Variants in RAD51B observed in about 807,000 individuals in gnomAD.
RAD51B encodes DNA repair protein RAD51 homolog 2.
Under a neutral mutation model 42.2 loss-of-function variants are expected in RAD51B, and 38 were observed. The observed-to-expected ratio is 0.90, with a 90% CI of 0.70 to 1.18. The LOEUF (loss-of-function observed/expected upper bound fraction) is 1.18. Ranked by LOEUF, RAD51B falls within the 50% of genes most tolerant of loss-of-function variation. The probability of loss-of-function intolerance (pLI) is 0.00; values close to 1 mark genes in which losing one functional copy is unlikely to be tolerated. For missense variants in RAD51B, 373 were observed against 400.7 expected (o/e 0.93, Z 0.59); for synonymous variants, 154 against 145.2 (o/e 1.06, Z -0.43).
At chr14:67,825,747 T>TG (rs2040810475) in intron 3 of RAD51B, among the ~76,000 whole-genome samples, 170 bp downstream of exon 3, 4 of 152,176 alleles carry the variant, frequency 2.6e-5, no homozygotes, top group Admixed American at 2.0e-4. Flanking sequence ...AATTTTTTTT[T>TG]TCTTTTTTGA....
intron 9 of RAD51B, among the ~76,000 whole-genome samples, chr14:68,433,744 A>G (rs569831123): frequency 2.8e-4 from 42 of 152,134 alleles, no homozygotes; most frequent in African/African-American, 1.0e-3. Flanking sequence ...TCTTCTCTCA[A>G]CTCGTCAAGG....
chr14:68,664,859 A>C (rs553429834), intron 11 of RAD51B, among the ~76,000 whole-genome samples: 1 of 152,232 alleles, frequency 6.6e-6, no homozygotes, highest in African/African-American at 2.4e-5. Flanking sequence ...CTCCTAATGG[A>C]AATCCATGAC....
intron 7 of RAD51B, among the ~76,000 whole-genome samples, chr14:68,037,509 G>A (rs111535409): frequency 2.6e-5 from 4 of 151,850 alleles, no homozygotes; most frequent in African/African-American, 7.3e-5. Flanking sequence ...GTGAGCCACC[G>A]TGCCTGGCTG....
intron 7 of RAD51B, among the ~76,000 whole-genome samples, chr14:67,956,026 G>A (rs139226425): frequency 8.5e-5 from 13 of 152,094 alleles, no homozygotes; most frequent in African/African-American, 3.1e-4. Context: ...ACACTGTGGT[G>A]GATACTCAGT....
At chr14:68,306,540 TCA>T (rs2081866857) in intron 8 of RAD51B, 1 of 445,898 alleles carries the variant, frequency 2.2e-6, no homozygotes, top group South Asian at 1.7e-5. Context: ...TCAGAGGAAG[TCA>T]TCTGAAATTG....
At chr14:68,563,941 T>C in intron 10 of RAD51B, 1 of 979,090 alleles carries the variant, frequency 1.0e-6, no homozygotes, top group African/African-American at 1.7e-5. Flanking sequence ...TTGGCCCTGA[T>C]AGAGAACTCT....
intron 9 of RAD51B, among the ~76,000 whole-genome samples, chr14:68,458,529 G>A (rs536806679): frequency 1.3e-5 from 2 of 152,036 alleles, no homozygotes; most frequent in Non-Finnish European, 2.9e-5. Context: ...AACTTGATGT[G>A]TTATATTATA....
At chr14:68,010,491 C>G (rs1224299762) in intron 7 of RAD51B, among the ~76,000 whole-genome samples, 1 of 151,716 alleles carries the variant, frequency 6.6e-6, no homozygotes, top group Non-Finnish European at 1.5e-5. Context: ...TTTATTTATT[C>G]AGACCCAATT....
At chr14:68,018,908 A>G (rs116169875) in intron 7 of RAD51B, among the ~76,000 whole-genome samples, 1,576 of 152,288 alleles carry the variant, frequency 0.01, 27 homozygotes, top group African/African-American at 0.036. Context: ...AACTTGGGTA[A>G]TTATTCTTTG....
chr14:68,229,536 A>G (rs1217396110), intron 7 of RAD51B, among the ~76,000 whole-genome samples: 1 of 152,238 alleles, frequency 6.6e-6, no homozygotes, highest in East Asian at 1.9e-4. Flanking sequence ...TATATGTTGT[A>G]GAATGAGAAA....
At chr14:68,124,356 T>G (rs1367594419) in intron 7 of RAD51B, among the ~76,000 whole-genome samples, 1 of 152,242 alleles carries the variant, frequency 6.6e-6, no homozygotes, top group Non-Finnish European at 1.5e-5. Flanking sequence ...CCTGTCTTAT[T>G]CAGAGAGTGG....
chr14:68,656,786 G>C (rs1026678159), intron 11 of RAD51B, among the ~76,000 whole-genome samples: 11 of 152,214 alleles, frequency 7.2e-5, no homozygotes, highest in Admixed American at 2.0e-4. Flanking sequence ...CAGCATGGCA[G>C]AGAGGACCGG....
chr14:68,600,475 G>A (rs1016228924), downstream of RAD51B, among the ~76,000 whole-genome samples: 4 of 152,166 alleles, frequency 2.6e-5, no homozygotes, highest in Non-Finnish European at 5.9e-5. Context: ...TTATCCAACA[G>A]GCTGGGTATT....
intron 10 of RAD51B, chr14:68,541,778 C>G (rs2140368625): frequency 1.0e-6 from 1 of 985,354 alleles, no homozygotes; most frequent in African/African-American, 1.7e-5. Flanking sequence ...GATCTTCAGG[C>G]ACTTAAAAAT....
At chr14:67,900,524 A>G (rs2043574100) in intron 7 of RAD51B, among the ~76,000 whole-genome samples, 1 of 151,624 alleles carries the variant, frequency 6.6e-6, no homozygotes, top group South Asian at 2.1e-4. Flanking sequence ...TCATGAATTT[A>G]ATTAAAAGTT....
chr14:68,563,563 AT>A (rs1442040085), intron 10 of RAD51B: 2 of 985,272 alleles, frequency 2.0e-6, no homozygotes, highest in African/African-American at 1.7e-5. Context: ...AGAACCAGCC[AT>A]TTCTTGTGTG....
intron 9 of RAD51B, among the ~76,000 whole-genome samples, chr14:68,446,074 G>A (rs551710863): frequency 9.2e-5 from 14 of 152,220 alleles, no homozygotes; most frequent in Middle Eastern, 3.4e-3. Context: ...TATAATAGCC[G>A]CTCCAGGGAA....
At chr14:68,113,666 A>G (rs763239782) in intron 7 of RAD51B, 2 of 152,102 alleles carry the variant, frequency 1.3e-5, no homozygotes, top group Non-Finnish European at 2.9e-5. Context: ...CAGGAAACAA[A>G]TAAGTTTTTT....
intron 7 of RAD51B, among the ~76,000 whole-genome samples, chr14:68,254,782 A>T (rs1284514110): frequency 1.3e-5 from 2 of 152,220 alleles, no homozygotes; most frequent in African/African-American, 4.8e-5. Context: ...GGTTTCACCA[A>T]ATCACCAAAG....
Sources: allele counts gnomAD v4.1 joint callset (sites outside exome capture counted in the v4.1 genomes callset), GRCh38; gene constraint gnomAD v4.1.1; transcripts MANE v1.5; gene names NCBI Gene and HGNC (gene_info 2026-07-23, HGNC 2026-07-21).